The following PRIM2 variants were observed in gnomAD, a reference collection of about 807,000 sequenced individuals.
PRIM2 encodes DNA primase subunit 2.
PRIM2 carries 39 observed loss-of-function variants against 67.3 expected under a neutral mutation model. The observed-to-expected ratio is 0.58, with a 90% CI of 0.45 to 0.76. The LOEUF is 0.76. Ranked by LOEUF, PRIM2 falls within the 30% of genes least tolerant of loss-of-function variation. PRIM2 has a pLI of 0.00. For missense variants in PRIM2, 398 were observed against 598.7 expected (o/e 0.66, Z 3.50); for synonymous variants, 143 against 198.7 (o/e 0.72, Z 2.36).
intron 7 of PRIM2, among the ~76,000 whole-genome samples, chr6:57,425,198 G>A (rs1227244430): frequency 6.6e-6 from 1 of 151,972 alleles, no homozygotes; most frequent in African/African-American, 2.4e-5. Flanking sequence ...AAATAATTAG[G>A]ATTTATTTGA....
intron 3 of PRIM2, among the ~76,000 whole-genome samples, chr6:57,322,807 G>T (rs952135794): frequency 2.0e-5 from 3 of 152,206 alleles, no homozygotes; most frequent in African/African-American, 7.2e-5. Flanking sequence ...GGAAGCTTGG[G>T]ACTGAAGGAT....
intron 5 of PRIM2, among the ~76,000 whole-genome samples, chr6:57,361,209 T>C (rs1250472735): frequency 1.3e-5 from 2 of 152,104 alleles, no homozygotes; most frequent in Non-Finnish European, 2.9e-5. Flanking sequence ...CCTTTGGCAG[T>C]GTAGGTAGTG....
At chr6:57,269,328 A>C in the PRIM2 span, among the ~76,000 whole-genome samples, 2 of 152,002 alleles carry the variant, frequency 1.3e-5, no homozygotes, top group African/African-American at 4.8e-5. Flanking sequence ...TCGCCATTCT[A>C]ACTGGTGTGA....
intron 13 of PRIM2, among the ~76,000 whole-genome samples, chr6:57,636,724 A>G (rs1777128123): frequency 6.6e-6 from 1 of 152,186 alleles, no homozygotes; most frequent in Non-Finnish European, 1.5e-5. Context: ...ATAAAAAAAG[A>G]TTAATTATCT....
At chr6:57,231,962 A>T in the PRIM2 span, among the ~76,000 whole-genome samples, 1 of 152,166 alleles carries the variant, frequency 6.6e-6, no homozygotes, top group Non-Finnish European at 1.5e-5. Flanking sequence ...TCTTCTTTTC[A>T]TCCTAAGTTA....
chr6:57,429,602 C>T (rs568827120), intron 7 of PRIM2, among the ~76,000 whole-genome samples: 3 of 152,236 alleles, frequency 2.0e-5, no homozygotes, highest in South Asian at 2.1e-4. Flanking sequence ...AGAATGTGAC[C>T]GCATTTGGAG....
intron 6 of PRIM2, among the ~76,000 whole-genome samples, chr6:57,381,577 G>A (rs1769961976): frequency 6.6e-6 from 1 of 151,304 alleles, no homozygotes; most frequent in African/African-American, 2.5e-5. Context: ...TCTCTGGAGT[G>A]AGAATGGAAA....
chr6:57,522,136 A>T (rs1250632192), intron 8 of PRIM2, among the ~76,000 whole-genome samples: 2 of 152,076 alleles, frequency 1.3e-5, no homozygotes, highest in Non-Finnish European at 2.9e-5. Context: ...TAAATGGCAA[A>T]CTATGACTTA....
the PRIM2 span, among the ~76,000 whole-genome samples, chr6:57,279,731 G>T: frequency 2.6e-5 from 4 of 152,210 alleles, no homozygotes; most frequent in Non-Finnish European, 5.9e-5. Context: ...TAATAACACA[G>T]AGACCCTGTG....
the PRIM2 span, among the ~76,000 whole-genome samples, chr6:57,229,646 C>G: frequency 1.9e-4 from 29 of 152,182 alleles, no homozygotes; most frequent in South Asian, 1.5e-3. Flanking sequence ...TGCCACCACC[C>G]ATGCCCAGCT....
At chr6:57,317,899 G>T (rs1767530320) in intron 1 of PRIM2, among the ~76,000 whole-genome samples, 198 bp downstream of exon 1, 1 of 152,098 alleles carries the variant, frequency 6.6e-6, no homozygotes, top group Non-Finnish European at 1.5e-5. Context: ...AGTGAGGAGG[G>T]GTGTTGGGGA....
At chr6:57,387,911 A>C (rs1770203520) in intron 7 of PRIM2, among the ~76,000 whole-genome samples, 16 of 151,798 alleles carry the variant, frequency 1.1e-4, no homozygotes. Context: ...AGAAATAAAC[A>C]ATAACAATAT....
chr6:57,355,346 G>T (rs1441034376), intron 5 of PRIM2, among the ~76,000 whole-genome samples: 5 of 149,588 alleles, frequency 3.3e-5, no homozygotes, highest in African/African-American at 1.2e-4. Flanking sequence ...GGAAAAAAAA[G>T]AATATTTAAC....
At chr6:57,239,136 G>A in the PRIM2 span, among the ~76,000 whole-genome samples, 116,460 of 151,638 alleles carry the variant, frequency 0.77, 46,687 homozygotes, top group East Asian at 0.97. Context: ...GACTACAGGC[G>A]TGCACCACCA....
chr6:57,396,985 A>C (rs527754688), intron 7 of PRIM2, among the ~76,000 whole-genome samples: 1 of 152,320 alleles, frequency 6.6e-6, no homozygotes, highest in African/African-American at 2.4e-5. Context: ...AGGAGGTGGA[A>C]GACAGGGTCC....
chr6:57,585,566 G>C (rs1423826494), intron 10 of PRIM2, among the ~76,000 whole-genome samples: 1 of 152,178 alleles, frequency 6.6e-6, no homozygotes, highest in Non-Finnish European at 1.5e-5. Flanking sequence ...CTCAAGACAG[G>C]CTGAGTGATG....
chr6:57,633,524 G>C (rs2127499771), intron 13 of PRIM2, among the ~76,000 whole-genome samples: 1 of 151,960 alleles, frequency 6.6e-6, no homozygotes, highest in South Asian at 2.1e-4. Flanking sequence ...ATATCTCATA[G>C]GAAAAAGATA....
intron 5 of PRIM2, among the ~76,000 whole-genome samples, chr6:57,347,344 A>G (rs1768711204): frequency 6.6e-6 from 1 of 152,216 alleles, no homozygotes; most frequent in African/African-American, 2.4e-5. Flanking sequence ...TTATCTGGTG[A>G]TATAAGGAGA....
At chr6:57,558,709 A>G (rs1359371767) in intron 10 of PRIM2, among the ~76,000 whole-genome samples, 1 of 152,104 alleles carries the variant, frequency 6.6e-6, no homozygotes, top group African/African-American at 2.4e-5. Context: ...TCCTTGATAC[A>G]CGTGTTTTTA....
Sources: allele counts gnomAD v4.1 joint callset (sites outside exome capture counted in the v4.1 genomes callset), GRCh38; gene constraint gnomAD v4.1.1; transcripts MANE v1.5; gene names NCBI Gene and HGNC (gene_info 2026-07-23, HGNC 2026-07-21).